The following XKR4 variants were observed in gnomAD, a reference collection of about 807,000 sequenced individuals.
The protein encoded by XKR4 is XK-related protein 4.
Under a neutral mutation model 53.9 loss-of-function variants are expected in XKR4, and 12 were observed. That is an observed-to-expected ratio of 0.22 (90% CI 0.14 to 0.36). XKR4 has a LOEUF of 0.36. Ranked by LOEUF, XKR4 falls within the 10% of genes least tolerant of loss-of-function variation. XKR4 has a pLI of 1.00. For missense variants in XKR4, 799 were observed against 859.5 expected, an observed-to-expected ratio of 0.93 and a Z score of 0.88; for synonymous variants, 354 against 362.4, an observed-to-expected ratio of 0.98 and a Z score of 0.26.
intron 2 of XKR4, among the ~76,000 whole-genome samples, chr8:55,406,462 T>TG (rs1259908116): frequency 6.6e-6 from 1 of 152,200 alleles, no homozygotes; most frequent in Non-Finnish European, 1.5e-5. Flanking sequence ...CTAAGTGCCC[T>TG]GCCCACAATC....
rs1230828957 is a variant in XKR4, at chr8:55,524,592, A to T, written c.*365A>T. The T allele has an allele frequency of 8.2e-6, 2 of 243,590 alleles. No homozygotes were observed. Among genetic ancestry groups the T allele is most frequent in the Non-Finnish European group, 1.6e-5 (2 of 125,546 alleles). 15.1% of individuals were successfully genotyped at this position (243,590 alleles called of 1,614,324 possible). On this transcript the variant is annotated 3_prime_UTR_variant, in exon 3 of 3. Coordinates refer to ENST00000327381, the MANE Select transcript of XKR4 (RefSeq NM_052898.2). ...TTAACTGATCTTTCCATAAAAATAG[A>T]TTCAGTCATACACACATACACACAC...
intron 2 of XKR4, among the ~76,000 whole-genome samples, chr8:55,461,818 G>C (rs1385393127): frequency 6.6e-6 from 1 of 152,238 alleles, no homozygotes; most frequent in Admixed American, 6.5e-5. Context: ...CGAGAACTAT[G>C]TGACGAATGC....
At chr8:55,415,526 G>A (rs1450055568) in intron 2 of XKR4, among the ~76,000 whole-genome samples, 2 of 152,120 alleles carry the variant, frequency 1.3e-5, no homozygotes, top group African/African-American at 4.8e-5. Flanking sequence ...GCCGGGTGCT[G>A]AGTCTTTGGA....
At chr8:55,363,117 A>T (rs1408933956) in intron 2 of XKR4, among the ~76,000 whole-genome samples, 1 of 152,214 alleles carries the variant, frequency 6.6e-6, no homozygotes, top group Non-Finnish European at 1.5e-5. Flanking sequence ...CACTTTTTCC[A>T]GAAGGCTTTA....
chr8:55,418,010 T>A (rs992078560), intron 2 of XKR4, among the ~76,000 whole-genome samples: 4 of 152,232 alleles, frequency 2.6e-5, no homozygotes, highest in Non-Finnish European at 4.4e-5. Context: ...GAAAATTTAC[T>A]GAGGTGTGCT....
chr8:55,207,629 TGCGC>T (rs374120842), intron 1 of XKR4, among the ~76,000 whole-genome samples: 130,997 of 151,642 alleles, frequency 0.86, 56,683 homozygotes, highest in South Asian at 0.9. Context: ...CACACACACA[TGCGC>T]GCGCACACAC....
chr8:55,468,725 T>TA (rs956597403), intron 2 of XKR4, among the ~76,000 whole-genome samples: 8 of 152,250 alleles, frequency 5.3e-5, no homozygotes, highest in Admixed American at 2.6e-4. Flanking sequence ...TGTCCTCATC[T>TA]ATAAAACGAA....
chr8:55,418,219 G>C (rs182995790), intron 2 of XKR4, among the ~76,000 whole-genome samples: 1 of 152,162 alleles, frequency 6.6e-6, no homozygotes, highest in Admixed American at 6.5e-5. Flanking sequence ...ACTCATGGAG[G>C]GGGTGTGGAT....
chr8:55,278,504 T>C (rs1275924066), intron 1 of XKR4, among the ~76,000 whole-genome samples: 1 of 152,094 alleles, frequency 6.6e-6, no homozygotes, highest in Non-Finnish European at 1.5e-5. Context: ...TGGGTGTCGT[T>C]GTAATTTTTA....
intron 2 of XKR4, chr8:55,449,667 C>T: frequency 3.4e-6 from 3 of 893,392 alleles, no homozygotes; most frequent in Non-Finnish European, 5.7e-6. Flanking sequence ...ATGCCAGGTG[C>T]CACAGCCTCC....
intron 2 of XKR4, among the ~76,000 whole-genome samples, chr8:55,432,961 C>T (rs1429805002): frequency 1.3e-5 from 2 of 152,170 alleles, no homozygotes; most frequent in Non-Finnish European, 2.9e-5. Flanking sequence ...GTCCTGCTCT[C>T]GTGATCATGG....
chr8:55,318,068 G>C (rs1296212797), intron 1 of XKR4, among the ~76,000 whole-genome samples: 7 of 152,190 alleles, frequency 4.6e-5, no homozygotes, highest in Non-Finnish European at 1.0e-4. Flanking sequence ...CCAGTAGAAA[G>C]TTAGCTTAAT....
At chr8:55,122,819 G>C (rs894833322) in intron 1 of XKR4, among the ~76,000 whole-genome samples, 1 of 151,690 alleles carries the variant, frequency 6.6e-6, no homozygotes, top group Non-Finnish European at 1.5e-5. Context: ...TTCTGTTTAA[G>C]AAATGATTAA....
chr8:55,504,200 T>G (rs1441411898), intron 2 of XKR4, among the ~76,000 whole-genome samples: 1 of 150,954 alleles, frequency 6.6e-6, no homozygotes, highest in Non-Finnish European at 1.5e-5. Flanking sequence ...TTGTTTTGTT[T>G]TGTTTTGTTT....
chr8:55,459,422 T>C (rs1478282798), intron 2 of XKR4, among the ~76,000 whole-genome samples: 1 of 152,116 alleles, frequency 6.6e-6, no homozygotes, highest in Admixed American at 6.6e-5. Flanking sequence ...ATAATATAAT[T>C]GGAAATTGAA....
At chr8:55,319,254 C>T (rs1030764432) in intron 1 of XKR4, among the ~76,000 whole-genome samples, 1 of 152,116 alleles carries the variant, frequency 6.6e-6, no homozygotes, top group Non-Finnish European at 1.5e-5. Flanking sequence ...CCTAGATCTA[C>T]AAGTTGTGAC....
chr8:55,406,244 C>T (rs577972493), intron 2 of XKR4, among the ~76,000 whole-genome samples: 2 of 152,298 alleles, frequency 1.3e-5, no homozygotes, highest in South Asian at 2.1e-4. Context: ...GTTATTGAAG[C>T]CTAAGTGCTC....
chr8:55,296,376 C>A (rs1200729244), intron 1 of XKR4, among the ~76,000 whole-genome samples: 2 of 152,150 alleles, frequency 1.3e-5, no homozygotes, highest in Non-Finnish European at 2.9e-5. Context: ...TAAAATGTGG[C>A]ATCCCACTAT....
chr8:55,370,441 A>T (rs1804055582), intron 2 of XKR4, among the ~76,000 whole-genome samples: 1 of 152,224 alleles, frequency 6.6e-6, no homozygotes, highest in South Asian at 2.1e-4. Flanking sequence ...GCTTTATTAA[A>T]TCTATTAAGT....
Sources: allele counts gnomAD v4.1 joint callset (sites outside exome capture counted in the v4.1 genomes callset), GRCh38; gene constraint gnomAD v4.1.1; transcripts MANE v1.5; gene names NCBI Gene and HGNC (gene_info 2026-07-23, HGNC 2026-07-21).